Variants in NRG1 observed in about 807,000 individuals in gnomAD.
The protein encoded by NRG1 is neuregulin 1.
Under a neutral mutation model 63.8 loss-of-function variants are expected in NRG1, and 18 were observed. The observed-to-expected ratio is 0.28, with a 90% CI of 0.19 to 0.42. The LOEUF is 0.42. Among genes scored for constraint, NRG1 ranks in the 10% least tolerant of loss-of-function variants. The probability of loss-of-function intolerance (pLI) is 1.00; values close to 1 mark genes in which losing one functional copy is unlikely to be tolerated. For synonymous variants in NRG1, 302 were observed against 301.3 expected (o/e 1.00, Z -0.02); for missense variants, 762 against 814.7 (o/e 0.94, Z 0.79).
At chr8:32,137,523 A>G (rs531787760) in intron 1 of NRG1, among the ~76,000 whole-genome samples, 2 of 152,300 alleles carry the variant, frequency 1.3e-5, no homozygotes, top group Admixed American at 1.3e-4. Context: ...TTTAATGTAG[A>G]TGATATTTTC....
chr8:31,918,569 A>G (rs1262677429), intron 1 of NRG1, among the ~76,000 whole-genome samples: 1 of 152,080 alleles, frequency 6.6e-6, no homozygotes, highest in African/African-American at 2.4e-5. Context: ...ATCATGGTGG[A>G]TAAGCTTTTT....
intron 1 of NRG1, among the ~76,000 whole-genome samples, chr8:31,873,935 T>G (rs1829705731): frequency 6.6e-6 from 1 of 152,194 alleles, no homozygotes; most frequent in Non-Finnish European, 1.5e-5. Flanking sequence ...AAGTTACAGA[T>G]TTTTACTTTT....
At chr8:31,917,553 C>G (rs1246432958) in intron 1 of NRG1, among the ~76,000 whole-genome samples, 1 of 151,760 alleles carries the variant, frequency 6.6e-6, no homozygotes, top group Non-Finnish European at 1.5e-5. Flanking sequence ...CTGTTCTGTT[C>G]CATTGGTCTA....
intron 9 of NRG1, among the ~76,000 whole-genome samples, chr8:32,758,959 T>C (rs1405333079): frequency 6.6e-6 from 1 of 152,146 alleles, no homozygotes; most frequent in Admixed American, 6.6e-5. Flanking sequence ...AACAAATGAA[T>C]GTTGGATGGA....
At chr8:32,707,120 C>A (rs931953477) in intron 5 of NRG1, among the ~76,000 whole-genome samples, 1 of 151,932 alleles carries the variant, frequency 6.6e-6, no homozygotes, top group Non-Finnish European at 1.5e-5. Flanking sequence ...CAGTCTTATT[C>A]ATCACTTGAT....
At chr8:32,421,584 G>A (rs1291604382) in intron 1 of NRG1, among the ~76,000 whole-genome samples, 2 of 152,184 alleles carry the variant, frequency 1.3e-5, no homozygotes, top group Non-Finnish European at 2.9e-5. Context: ...CTTAAGTTCA[G>A]TGTGATGATT....
intron 6 of NRG1, among the ~76,000 whole-genome samples, chr8:32,732,485 G>A (rs540183114): frequency 6.6e-6 from 1 of 152,194 alleles, no homozygotes; most frequent in African/African-American, 2.4e-5. Context: ...TTGTCCAGTG[G>A]ACAGATGTGC....
chr8:32,748,021 C>T (rs1041348587), intron 7 of NRG1, among the ~76,000 whole-genome samples: 4 of 151,926 alleles, frequency 2.6e-5, no homozygotes, highest in Non-Finnish European at 4.4e-5. Flanking sequence ...GAAAAATTAA[C>T]ATGTCCAAAG....
intron 1 of NRG1, among the ~76,000 whole-genome samples, chr8:32,329,770 C>T (rs919330286): frequency 9.2e-5 from 14 of 151,984 alleles, no homozygotes; most frequent in African/African-American, 3.4e-4. Flanking sequence ...ATTAAGGACA[C>T]AAAAATATTT....
chr8:31,727,935 G>A lies in NRG1; in HGVS notation c.37+88504G>A, dbSNP rs117037419. Among the ~76,000 whole-genome samples the A allele has an allele frequency of 3.9e-3, 587 of 152,258 alleles. 1 individual carries two copies. Among genetic ancestry groups the A allele is most frequent in the South Asian group, 0.019 (92 of 4,822 alleles). The stretch of plus-strand genomic sequence containing the variant: ...ATTTGTACAAGAGCACTAGGATATT[G>A]TGATAACGCAGACATCTCCTAGACA... On this transcript the variant is annotated intron_variant, in intron 1 of 10. Transcript: ENST00000519301.
chr8:32,525,938 GCTTTT>G (rs1026683556), intron 1 of NRG1, among the ~76,000 whole-genome samples: 3 of 151,994 alleles, frequency 2.0e-5, no homozygotes, highest in African/African-American at 7.3e-5. Context: ...ATCTCTTCTA[GCTTTT>G]CTTTTCTTGT....
chr8:32,235,225 C>A (rs1353119076), intron 1 of NRG1, among the ~76,000 whole-genome samples: 3 of 87,686 alleles, frequency 3.4e-5, no homozygotes, highest in African/African-American at 4.9e-5. Context: ...GAAACCTAAT[C>A]TCTACAAAAA....
rs541598479 is a variant in NRG1 at position 32,084,416 on chromosome 8, A to G, written c.37+444985A>G. On this transcript the variant is annotated intron_variant, in intron 1 of 10. Transcript: ENST00000519301. Reference sequence around the variant, plus strand: ...TAAGGAACCAAAGCTGGTTGTCAGTAATTTGAAGTAGCTGGGTTGGACCGT... The same window carrying G: ...TAAGGAACCAAAGCTGGTTGTCAGTGATTTGAAGTAGCTGGGTTGGACCGT... 3.3e-5 allele frequency among the ~76,000 whole-genome samples: 5 copies of G among 152,288 alleles called. No individual in the cohort carries two copies. The South Asian group carries it at 8.3e-4, about 25-fold the overall frequency.
Position 31,896,265 on chromosome 8 carries a change from T to C in NRG1, c.37+256834T>C, listed in dbSNP as rs888932303. Reference sequence around the variant, plus strand: ...GCACCTTTTCATTCATGTTTTATTATGTATGTGTGCTACCCACTTTCTGTG... The same window carrying C: ...GCACCTTTTCATTCATGTTTTATTACGTATGTGTGCTACCCACTTTCTGTG... On this transcript the variant is annotated intron_variant, in intron 1 of 10. Transcript: ENST00000519301. Among the ~76,000 whole-genome samples, 7 of 152,232 alleles carry C rather than the reference T, an allele frequency of 4.6e-5. No homozygotes were observed. In the South Asian group the frequency reaches 8.3e-4, roughly 18 times the overall value.
At chr8:31,808,721 C>T (rs983746867) in intron 1 of NRG1, among the ~76,000 whole-genome samples, 21 of 152,140 alleles carry the variant, frequency 1.4e-4, no homozygotes, top group African/African-American at 4.6e-4. Flanking sequence ...TTGTCTTGAA[C>T]AGGACTTCAT....
chr8:32,636,603 T>A (rs1851384081), intron 5 of NRG1, among the ~76,000 whole-genome samples: 1 of 152,194 alleles, frequency 6.6e-6, no homozygotes, highest in Non-Finnish European at 1.5e-5. Context: ...TTCAGTAATG[T>A]GAACTTTACA....
At chr8:32,428,342 CT>C (rs11415830) in intron 1 of NRG1, among the ~76,000 whole-genome samples, 18 of 147,006 alleles carry the variant, frequency 1.2e-4, no homozygotes, top group African/African-American at 3.7e-4. Flanking sequence ...TGAGTGAATT[CT>C]TTTTTTTTTT....
At chr8:32,373,091 G>A (rs777545291) in intron 1 of NRG1, among the ~76,000 whole-genome samples, 15 of 152,148 alleles carry the variant, frequency 9.9e-5, no homozygotes, top group Non-Finnish European at 1.8e-4. Flanking sequence ...TAGCACAGAT[G>A]TTAGTGTGAG....
intron 11 of NRG1, 105 bp from the exon 12 acceptor site, chr8:32,763,643 C>A: frequency 8.0e-7 from 1 of 1,243,448 alleles, no homozygotes; most frequent in Non-Finnish European, 1.1e-6. Flanking sequence ...AATAGAAATT[C>A]TCTGTTCTCT....
Sources: allele counts gnomAD v4.1 joint callset (sites outside exome capture counted in the v4.1 genomes callset), GRCh38; gene constraint gnomAD v4.1.1; transcripts MANE v1.5; gene names NCBI Gene and HGNC (gene_info 2026-07-23, HGNC 2026-07-21).